Variants in CDYL observed in about 807,000 individuals in gnomAD.
CDYL encodes the protein chromodomain Y like.
Under a neutral mutation model 47.3 loss-of-function variants are expected in CDYL, and 8 were observed. That is an observed-to-expected ratio of 0.17 (90% confidence interval 0.10 to 0.31). The LOEUF (loss-of-function observed/expected upper bound fraction) is 0.31, where lower values mean the gene tolerates loss of function less well. CDYL is among the 10% of genes least tolerant of loss of function. The probability of loss-of-function intolerance (pLI) is 1.00; values close to 1 mark genes in which losing one functional copy is unlikely to be tolerated. For missense variants in CDYL, 471 were observed against 701.4 expected (o/e 0.67, Z 3.71); for synonymous variants, 266 against 265.0 (o/e 1.00, Z -0.04).
At chr6:4,781,817 G>A (rs548621424) in intron 1 of CDYL, among the ~76,000 whole-genome samples, 1 of 152,266 alleles carries the variant, frequency 6.6e-6, no homozygotes, top group South Asian at 2.1e-4. Flanking sequence ...GGCCTCAAAT[G>A]AATTCTTTTG....
intron 1 of CDYL, among the ~76,000 whole-genome samples, chr6:4,861,311 C>T (rs534067535): frequency 2.0e-5 from 3 of 152,188 alleles, no homozygotes; most frequent in Non-Finnish European, 4.4e-5. Context: ...CATAAGTTGT[C>T]TCAGGGCCAG....
intron 3 of CDYL, among the ~76,000 whole-genome samples, chr6:4,757,641 ATTAT>A (rs1215538133): frequency 2.0e-5 from 3 of 152,262 alleles, no homozygotes; most frequent in African/African-American, 7.2e-5. Context: ...AATATGCCTC[ATTAT>A]TTAAGTGAAA....
intron 1 of CDYL, among the ~76,000 whole-genome samples, chr6:4,879,552 G>GT (rs59685693): frequency 0.037 from 3,894 of 106,022 alleles, 28 homozygotes; most frequent in East Asian, 0.065. Context: ...TTTTTGTGGG[G>GT]TTTTTTTTTT....
intron 2 of CDYL, among the ~76,000 whole-genome samples, chr6:4,732,241 G>A (rs576665253): frequency 4.6e-5 from 7 of 152,144 alleles, no homozygotes; most frequent in South Asian, 2.1e-4. Flanking sequence ...AGGCTGAGGC[G>A]GGAGGATTGC....
intron 1 of CDYL, among the ~76,000 whole-genome samples, chr6:4,785,777 G>A (rs1581165658): frequency 1.3e-5 from 2 of 152,310 alleles, no homozygotes; most frequent in East Asian, 3.9e-4. Flanking sequence ...GGACTTGACT[G>A]GCACCTTTAG....
At chr6:4,782,332 G>A (rs1251413439) in intron 1 of CDYL, among the ~76,000 whole-genome samples, 2 of 152,126 alleles carry the variant, frequency 1.3e-5, no homozygotes, top group Non-Finnish European at 1.5e-5. Flanking sequence ...TACTGCAATC[G>A]TTGCATAATT....
rs767742725 is a variant in CDYL, at chr6:4,710,083, G to A, written c.-39+3832G>A. 6.6e-5 allele frequency among the ~76,000 whole-genome samples: 10 copies of A among 152,022 alleles called. 1 individual carries two copies. In the South Asian group the frequency reaches 1.7e-3, roughly 25 times the overall value. On this transcript the variant is annotated intron_variant, in intron 1 of 8. Coordinates refer to the CDYL transcript ENST00000328908. Reference sequence around the variant, plus strand: ...TAAAAATACAAAAGATTAGCTGGGCGTGGTGGCATGCACCTGTAATCCCAG... The same window carrying A: ...TAAAAATACAAAAGATTAGCTGGGCATGGTGGCATGCACCTGTAATCCCAG...
chr6:4,788,376 G>A (rs1039012721), intron 1 of CDYL, among the ~76,000 whole-genome samples: 2 of 151,118 alleles, frequency 1.3e-5, no homozygotes, highest in South Asian at 2.1e-4. Context: ...ACAAGTACTC[G>A]GGAGGCTGAG....
At chr6:4,884,453 G>A (rs1441611995) in intron 1 of CDYL, among the ~76,000 whole-genome samples, 1 of 152,198 alleles carries the variant, frequency 6.6e-6, no homozygotes, top group Non-Finnish European at 1.5e-5. Context: ...AGTAGCTAAT[G>A]GAGTGGATAC....
Position 4,776,766 on chromosome 6 carries a change from G to GC in CDYL, c.-17dup. On this transcript the variant is annotated 5_prime_UTR_variant, in exon 1 of 7. Coordinates refer to ENST00000397588, the MANE Select transcript of CDYL (RefSeq NM_004824.4). ...CGCCCCGACCCTGCCCCTCCCGCCC[G>GC]CAACTCCGCCGCCCACCATGGCTTC... 3.0e-5 allele frequency: 12 copies of GC among 403,514 alleles called. No individual in the cohort carries two copies. The highest frequency in any genetic ancestry group is 4.3e-5 in the Non-Finnish European group (12 of 280,358). 25.0% of individuals were successfully genotyped at this position (403,514 alleles called of 1,614,324 possible). A position where few individuals can be genotyped will look rare whatever the true frequency, so the allele number is the denominator to read the frequency against.
At chr6:4,731,001 C>T (rs1757595288) in intron 2 of CDYL, among the ~76,000 whole-genome samples, 1 of 152,196 alleles carries the variant, frequency 6.6e-6, no homozygotes, top group African/African-American at 2.4e-5. Context: ...CTGTTGTTTG[C>T]TGCTTCTTTG....
chr6:4,935,572 C>G lies in CDYL; in HGVS notation c.749C>G (p.Ser250Cys), dbSNP rs754850622. 6.2e-7 allele frequency: 1 copy of G among 1,614,186 alleles called. No homozygotes were observed. Among genetic ancestry groups the G allele is most frequent in the Non-Finnish European group, 8.5e-7 (1 of 1,180,032 alleles). ...AATGGGACAACCAACATACAGACATCTGTTACAGGAGTGACTGCCAGCAAA... is the reference window on the plus strand; with the variant it reads ...AATGGGACAACCAACATACAGACATGTGTTACAGGAGTGACTGCCAGCAAA... ...TANGTTNIQT[S>C]VTGVTASKRK... Residue 250 changes from serine (S) to cysteine (C), a missense_variant, in exon 3 of 7, where the codon TCT becomes TGT. Around this residue, in one of 3 missense-constraint regions of CDYL, gnomAD observed 311 missense variants for 350.0 expected, o/e 0.89. Transcript: ENST00000397588.
At position 4,748,621 on chromosome 6, in the gene CDYL, G is replaced by A. The variant is rs555828820; in HGVS notation, c.186+13777G>A. On this transcript the variant is annotated intron_variant, in intron 3 of 8. Coordinates refer to the CDYL transcript ENST00000328908. Reference sequence around the variant, plus strand: ...GGAGGTATGGGGACCAGGATAGGAAGACATACATGGTTGGATGGAGAGACT... The same window carrying A: ...GGAGGTATGGGGACCAGGATAGGAAAACATACATGGTTGGATGGAGAGACT... Among the ~76,000 whole-genome samples, 4 of 148,626 alleles carry A rather than the reference G, an allele frequency of 2.7e-5. No homozygotes were observed. The East Asian group carries it at 8.0e-4, about 30-fold the overall frequency.
At chr6:4,835,245 T>G (rs1760264235) in intron 1 of CDYL, among the ~76,000 whole-genome samples, 1 of 152,126 alleles carries the variant, frequency 6.6e-6, no homozygotes, top group Non-Finnish European at 1.5e-5. Flanking sequence ...ACAGATGGGT[T>G]TTTGGTGTGG....
chr6:4,818,139 C>T (rs1759725091), intron 1 of CDYL, among the ~76,000 whole-genome samples: 1 of 152,032 alleles, frequency 6.6e-6, no homozygotes, highest in South Asian at 2.1e-4. Context: ...ACAGGTAGTC[C>T]TAGCTACTTG....
chr6:4,890,769 A>C (rs1212282518), intron 1 of CDYL, among the ~76,000 whole-genome samples: 1 of 152,210 alleles, frequency 6.6e-6, no homozygotes, highest in Non-Finnish European at 1.5e-5. Flanking sequence ...TGCGTTCTTA[A>C]TTAAAGAGCC....
intron 1 of CDYL, among the ~76,000 whole-genome samples, chr6:4,791,815 TA>T (rs1404288189): frequency 6.6e-6 from 1 of 151,782 alleles, no homozygotes; most frequent in African/African-American, 2.4e-5. Context: ...AGTTATTTCA[TA>T]AACACAGAAT....
At chr6:4,930,140 C>G (rs1436262065) in intron 2 of CDYL, among the ~76,000 whole-genome samples, 1 of 152,170 alleles carries the variant, frequency 6.6e-6, no homozygotes, top group Non-Finnish European at 1.5e-5. Flanking sequence ...GATGAAATCT[C>G]TGCTCTGGCT....
chr6:4,786,994 G>C (rs1758772722), intron 1 of CDYL, among the ~76,000 whole-genome samples: 1 of 152,178 alleles, frequency 6.6e-6, no homozygotes, highest in Non-Finnish European at 1.5e-5. Context: ...TCTGGCCTGG[G>C]AAGTAGAAGA....
Sources: allele counts gnomAD v4.1 joint callset (sites outside exome capture counted in the v4.1 genomes callset), GRCh38; gene constraint gnomAD v4.1.1; regional missense constraint gnomAD v4.1.1; transcripts MANE v1.5; gene names NCBI Gene and HGNC (gene_info 2026-07-23, HGNC 2026-07-21).